Variants in ICOS observed in about 807,000 individuals in gnomAD.
ICOS encodes inducible T-cell costimulator.
ICOS carries 15 observed loss-of-function variants against 24.6 expected under a neutral mutation model. The ratio of observed to expected loss-of-function variants is 0.61; its 90% confidence interval spans 0.41 to 0.94. The LOEUF is 0.94. ICOS is among the 40% of genes least tolerant of loss of function. The pLI is 0.00. For synonymous variants in ICOS, 89 were observed against 77.5 expected, an observed-to-expected ratio of 1.15 and a Z score of -0.78; for missense variants, 200 against 233.0, an observed-to-expected ratio of 0.86 and a Z score of 0.92.
At chr2:203,955,596 A>G in intron 1 of ICOS, 40 bp from the exon 2 acceptor site, 3 of 1,501,198 alleles carry the variant, frequency 2.0e-6, no homozygotes, top group Non-Finnish European at 2.8e-6. Context: ...GCAACATTAT[A>G]AAATGTCACT....
chr2:203,938,307 G>A (rs1450884779), intron 1 of ICOS, among the ~76,000 whole-genome samples: 1 of 152,214 alleles, frequency 6.6e-6, no homozygotes, highest in Non-Finnish European at 1.5e-5. Context: ...GCAATCAATG[G>A]GGAGAACGGT....
chr2:203,943,094 A>AC (rs1689805693), intron 1 of ICOS, among the ~76,000 whole-genome samples: 1 of 152,042 alleles, frequency 6.6e-6, no homozygotes, highest in Non-Finnish European at 1.5e-5. Context: ...ATTGGGCTTC[A>AC]CCTTTCTCTG....
At chr2:203,950,081 G>A (rs1277808163) in intron 1 of ICOS, among the ~76,000 whole-genome samples, 1 of 152,226 alleles carries the variant, frequency 6.6e-6, no homozygotes, top group Non-Finnish European at 1.5e-5. Context: ...TGTCATTTGA[G>A]CATTGTCTTA....
At chr2:203,953,014 G>A (rs926237836) in intron 1 of ICOS, among the ~76,000 whole-genome samples, 3 of 152,068 alleles carry the variant, frequency 2.0e-5, no homozygotes, top group Admixed American at 2.0e-4. Flanking sequence ...AAAGCTGAAG[G>A]GTAATAATAA....
chr2:203,959,698 T>A lies in ICOS; in HGVS notation c.*99T>A. On this transcript the variant is annotated 3_prime_UTR_variant, in exon 5 of 5. Transcript: ENST00000316386. ...TTCCGGGACCACGGAGAGTCTGACT[T>A]AACTACATACATCTTCTGCTGGTGT... 1 of 1,046,808 alleles carries A rather than the reference T, an allele frequency of 9.6e-7. No homozygotes were observed. The highest frequency in any genetic ancestry group is 1.5e-6 in the Non-Finnish European group (1 of 666,796). 64.8% of individuals were successfully genotyped at this position (1,046,808 alleles called of 1,614,324 possible). A position where few individuals can be genotyped will look rare whatever the true frequency, so the allele number is the denominator to read the frequency against.
At chr2:203,956,331 CTG>C (rs1454686125) in intron 2 of ICOS, among the ~76,000 whole-genome samples, 2 of 152,094 alleles carry the variant, frequency 1.3e-5, no homozygotes, top group Non-Finnish European at 2.9e-5. Context: ...TGGTTTTGCA[CTG>C]TGTTTGTGGA....
At chr2:203,954,767 G>T (rs1690048085) in intron 1 of ICOS, among the ~76,000 whole-genome samples, 1 of 151,424 alleles carries the variant, frequency 6.6e-6, no homozygotes, top group South Asian at 2.1e-4. Context: ...CATAATGTAT[G>T]TGTGTATATA....
intron 1 of ICOS, among the ~76,000 whole-genome samples, chr2:203,952,020 A>G (rs532806990): frequency 2.0e-5 from 3 of 152,310 alleles, no homozygotes; most frequent in African/African-American, 4.8e-5. Flanking sequence ...GCTTTTAAAC[A>G]TACTTGTTAT....
intron 1 of ICOS, among the ~76,000 whole-genome samples, chr2:203,941,424 G>A (rs1689773880): frequency 6.6e-6 from 1 of 152,000 alleles, no homozygotes; most frequent in Non-Finnish European, 1.5e-5. Context: ...AGGCATGTAG[G>A]GGGGACTGAA....
intron 3 of ICOS, among the ~76,000 whole-genome samples, chr2:203,957,126 G>A (rs553103812): frequency 6.6e-6 from 1 of 152,286 alleles, no homozygotes; most frequent in South Asian, 2.1e-4. Context: ...TGCATGGGCT[G>A]CGAATTTGAA....
At chr2:203,959,559 A>C in intron 4 of ICOS, 27 bp from the exon 5 acceptor site, 1 of 1,606,976 alleles carries the variant, frequency 6.2e-7, no homozygotes, top group Non-Finnish European at 8.5e-7. Context: ...GAGCATTTAG[A>C]TAATTTATGC....
intron 3 of ICOS, among the ~76,000 whole-genome samples, chr2:203,957,474 G>A (rs891219720): frequency 6.6e-6 from 1 of 152,172 alleles, no homozygotes; most frequent in Non-Finnish European, 1.5e-5. Flanking sequence ...TATATCCACA[G>A]TGTGGTCATT....
In ICOS at chr2:203,955,727, A is replaced by T. The variant is rs55972840; in HGVS notation, c.150A>T (p.Gln50His). 6.2e-7 allele frequency: 1 copy of T among 1,613,740 alleles called. No homozygotes were observed. Among genetic ancestry groups the T allele is most frequent in the East Asian group, 2.2e-5 (1 of 44,850 alleles). Reference protein sequence around the residue: ...ILCKYPDIVQQFKMQLLKGGQ... With the variant: ...ILCKYPDIVQHFKMQLLKGGQ... ...GCAAATATCCTGACATTGTCCAGCA[A>T]TTTAAAATGCAGTTGCTGAAAGGGG... The change falls in exon 2 of 5, where the codon CAA becomes CAT. Residue 50 changes from glutamine (Q) to histidine (H), a missense_variant. Gln to His is a conservative substitution (Grantham distance 24, BLOSUM62 0). Transcript: ENST00000316386.
intron 4 of ICOS, 132 bp from the exon 5 acceptor site, chr2:203,959,454 G>A (rs1690132305): frequency 8.1e-6 from 6 of 737,706 alleles, no homozygotes; most frequent in African/African-American, 2.0e-5. Context: ...GTGTGTGTGT[G>A]AGTGTGTGTG....
At position 203,959,918 on chromosome 2, in the gene ICOS, C is replaced by T. The variant is rs1208421469; in HGVS notation, c.*319C>T. The T allele has an allele frequency of 2.2e-6, 1 of 458,242 alleles. No homozygotes were observed. Among genetic ancestry groups the T allele is most frequent in the East Asian group, 4.2e-5 (1 of 24,034 alleles). 28.4% of individuals were successfully genotyped at this position (458,242 alleles called of 1,614,324 possible). ...GCAGTGCATCAGCCAGTAAAACAAA[C>T]ACATTTACAAGAAAAATGTTTTAAA... On this transcript the variant is annotated 3_prime_UTR_variant, in exon 5 of 5. Coordinates refer to ENST00000316386, the MANE Select transcript of ICOS (RefSeq NM_012092.4).
At chr2:203,959,175 C>T (rs1438147649) in intron 4 of ICOS, among the ~76,000 whole-genome samples, 1 of 152,152 alleles carries the variant, frequency 6.6e-6, no homozygotes, top group Non-Finnish European at 1.5e-5. Flanking sequence ...TCCCTCATCT[C>T]TGAGCTGTGC....
At chr2:203,956,839 A>G (rs767264076) in intron 3 of ICOS, 74 bp downstream of exon 3, 2 of 1,000,544 alleles carry the variant, frequency 2.0e-6, no homozygotes, top group Non-Finnish European at 3.2e-6. Flanking sequence ...TCAAAAGTAC[A>G]CATGGCTCTT....
At chr2:203,956,585 G>C (rs1416700771) in intron 2 of ICOS, 74 bp from the exon 3 acceptor site, 1 of 992,470 alleles carries the variant, frequency 1.0e-6, no homozygotes, top group Admixed American at 1.7e-5. Context: ...TGATTAAATA[G>C]CTCTTTTAAA....
At chr2:203,937,352 A>G (rs1396348197) in intron 1 of ICOS, among the ~76,000 whole-genome samples, 1 of 152,204 alleles carries the variant, frequency 6.6e-6, no homozygotes, top group Non-Finnish European at 1.5e-5. Context: ...CCAGGGCACC[A>G]TAGAGTTTTT....
Sources: gnomAD v4.1 joint callset for allele counts (sites outside exome capture counted in the v4.1 genomes callset) on GRCh38, gnomAD v4.1.1 for gene constraint, MANE v1.5 for transcripts, NCBI Gene and HGNC (gene_info 2026-07-23, HGNC 2026-07-21) for gene names.